FMNL2: variants seen among roughly 807,000 people sequenced by gnomAD.
FMNL2 encodes formin-like protein 2.
In FMNL2, 51 loss-of-function variants were observed where a neutral mutation model predicts 130.2. The ratio of observed to expected loss-of-function variants is 0.39; its 90% CI spans 0.31 to 0.49. FMNL2 has a LOEUF of 0.49. FMNL2 is among the 20% of genes least tolerant of loss of function. The pLI is 0.85. For synonymous variants in FMNL2, 465 were observed against 467.1 expected (o/e 1.00, Z 0.06); for missense variants, 977 against 1,316.2 (o/e 0.74, Z 3.99).
At position 152,558,776 on chromosome 2, in the gene FMNL2, T is replaced by C. The variant is rs1695369620; in HGVS notation, c.396T>C (p.Gly132=). 5.0e-6 allele frequency: 8 copies of C among 1,612,862 alleles called. No individual in the cohort carries two copies. Among genetic ancestry groups the C allele is most frequent in the Non-Finnish European group, 5.1e-6 (6 of 1,179,662 alleles). Reference sequence around the variant, plus strand: ...AATTTCTGAATGAAGAAAACAAAGGTCTTGATGTTCTAGTGGAATATCTCT... The same window carrying C: ...AATTTCTGAATGAAGAAAACAAAGGCCTTGATGTTCTAGTGGAATATCTCT... The part of the protein sequence containing the change: ...VREFLNEENK[G]LDVLVEYLSF... Residue 132 remains glycine, a synonymous_variant, in exon 5 of 26, where the codon GGT becomes GGC. Coordinates refer to ENST00000288670, the MANE Select transcript of FMNL2 (RefSeq NM_052905.4).
chr2:152,482,061 G>A (rs2105238384), intron 1 of FMNL2, among the ~76,000 whole-genome samples: 1 of 152,320 alleles, frequency 6.6e-6, no homozygotes, highest in Middle Eastern at 3.4e-3. Context: ...CAGCACAGTA[G>A]AGCCTTGTTA....
chr2:152,466,492 T>C (rs951867102), intron 1 of FMNL2, among the ~76,000 whole-genome samples: 1 of 152,236 alleles, frequency 6.6e-6, no homozygotes, highest in Non-Finnish European at 1.5e-5. Context: ...GTCATCATTG[T>C]AGTATATCTA....
intron 1 of FMNL2, among the ~76,000 whole-genome samples, chr2:152,357,620 C>T (rs553399816): frequency 5.9e-4 from 83 of 139,984 alleles, no homozygotes; most frequent in Non-Finnish European, 1.1e-3. Context: ...TAATGTATAA[C>T]GATAAATATT....
intron 4 of FMNL2, among the ~76,000 whole-genome samples, chr2:152,551,316 T>C (rs916058697): frequency 5.9e-5 from 9 of 152,190 alleles, no homozygotes; most frequent in Admixed American, 2.0e-4. Context: ...TTGTTGAGGA[T>C]ACTATAGGCA....
intron 1 of FMNL2, among the ~76,000 whole-genome samples, chr2:152,404,412 GA>G (rs1685873034): frequency 6.6e-6 from 1 of 152,114 alleles, no homozygotes; most frequent in Non-Finnish European, 1.5e-5. Flanking sequence ...AATTTAAATA[GA>G]AAAAATAATG....
At chr2:152,454,346 G>A (rs1688833318) in intron 1 of FMNL2, among the ~76,000 whole-genome samples, 1 of 152,054 alleles carries the variant, frequency 6.6e-6, no homozygotes, top group Admixed American at 6.5e-5. Context: ...GGCAAATATG[G>A]CTCATTTGAT....
chr2:152,542,887 G>A, intron 3 of FMNL2, 68 bp downstream of exon 3: 1 of 1,536,938 alleles, frequency 6.5e-7, no homozygotes, highest in Admixed American at 1.7e-5. Flanking sequence ...TCCTGCATTG[G>A]AAGAGACCTT....
At chr2:152,502,648 C>T (rs945083794) in intron 1 of FMNL2, among the ~76,000 whole-genome samples, 11 of 152,192 alleles carry the variant, frequency 7.2e-5, no homozygotes, top group Non-Finnish European at 1.6e-4. Flanking sequence ...GGTCGTGCCA[C>T]TGCACTCCAG....
chr2:152,609,798 G>A (rs1272026354), intron 10 of FMNL2, among the ~76,000 whole-genome samples: 1 of 152,126 alleles, frequency 6.6e-6, no homozygotes, highest in Non-Finnish European at 1.5e-5. Context: ...GGTTTGGAGA[G>A]AGACAAGGAA....
chr2:152,530,452 T>C (rs1693625352), intron 2 of FMNL2, among the ~76,000 whole-genome samples: 1 of 152,198 alleles, frequency 6.6e-6, no homozygotes, highest in Non-Finnish European at 1.5e-5. Context: ...TGATGCCTGA[T>C]TCTGAAAAAT....
intron 1 of FMNL2, among the ~76,000 whole-genome samples, chr2:152,351,536 CT>C (rs1002979366): frequency 3.9e-5 from 6 of 152,134 alleles, no homozygotes; most frequent in African/African-American, 1.4e-4. Context: ...TGAACTCATC[CT>C]TTTTTATGGC....
intron 1 of FMNL2, among the ~76,000 whole-genome samples, chr2:152,460,900 G>A (rs546953049): frequency 7.2e-5 from 11 of 152,138 alleles, no homozygotes; most frequent in African/African-American, 1.7e-4. Flanking sequence ...TAATTATTTC[G>A]TTATATATTA....
intron 12 of FMNL2, among the ~76,000 whole-genome samples, chr2:152,615,281 G>A (rs150015318): frequency 1.3e-5 from 2 of 152,216 alleles, no homozygotes; most frequent in African/African-American, 4.8e-5. Flanking sequence ...CAAGCAGAGT[G>A]GGGGTGTTTG....
At chr2:152,619,414 GTGT>G in intron 14 of FMNL2, 92 bp from the exon 15 acceptor site, 1 of 1,521,784 alleles carries the variant, frequency 6.6e-7, no homozygotes, top group Non-Finnish European at 8.8e-7. Flanking sequence ...CCTTTTAAGT[GTGT>G]TGTTTTCAGA....
At chr2:152,497,183 G>A (rs1579812356) in intron 1 of FMNL2, among the ~76,000 whole-genome samples, 1 of 152,130 alleles carries the variant, frequency 6.6e-6, no homozygotes, top group East Asian at 1.9e-4. Context: ...CTGAATGTGA[G>A]AAACCTGGTT....
intron 4 of FMNL2, among the ~76,000 whole-genome samples, chr2:152,552,746 A>G (rs1165708001): frequency 6.6e-6 from 1 of 152,204 alleles, no homozygotes; most frequent in Non-Finnish European, 1.5e-5. Flanking sequence ...GAAATGATCC[A>G]CATAGTGTTA....
intron 1 of FMNL2, among the ~76,000 whole-genome samples, chr2:152,375,697 T>A (rs564400475): frequency 6.6e-6 from 1 of 152,140 alleles, no homozygotes; most frequent in East Asian, 1.9e-4. Flanking sequence ...GAAGACTCCT[T>A]GAAAACATCA....
At chr2:152,502,765 A>C (rs950770823) in intron 1 of FMNL2, among the ~76,000 whole-genome samples, 2 of 152,090 alleles carry the variant, frequency 1.3e-5, no homozygotes, top group Non-Finnish European at 2.9e-5. Flanking sequence ...AGAGGAAGGT[A>C]CAGAAGTATG....
intron 1 of FMNL2, among the ~76,000 whole-genome samples, chr2:152,374,868 G>A (rs922037929): frequency 5.3e-5 from 8 of 152,146 alleles, no homozygotes; most frequent in African/African-American, 1.4e-4. Context: ...GGGTCCCTAG[G>A]TCTCACTTTC....
Sources: gnomAD v4.1 joint callset for allele counts (sites outside exome capture counted in the v4.1 genomes callset) on GRCh38, gnomAD v4.1.1 for gene constraint, MANE v1.5 for transcripts, NCBI Gene and HGNC (gene_info 2026-07-23, HGNC 2026-07-21) for gene names.